Variants in PSME4 observed in about 807,000 individuals in gnomAD.
PSME4 encodes proteasome activator subunit 4, also known as proteasome activator complex subunit 4.
PSME4 carries 89 observed loss-of-function variants against 253.9 expected under a neutral mutation model. The observed-to-expected ratio is 0.35, with a 90% CI of 0.30 to 0.42. The LOEUF is 0.42. Ranked by LOEUF, PSME4 falls within the 10% of genes least tolerant of loss-of-function variation. PSME4 has a pLI of 1.00. For synonymous variants in PSME4, 851 were observed against 759.2 expected, an observed-to-expected ratio of 1.12 and a Z score of -1.99; for missense variants, 2,014 against 2,195.2, an observed-to-expected ratio of 0.92 and a Z score of 1.65.
intron 34 of PSME4, 58 bp downstream of exon 34, chr2:53,894,949 G>A: frequency 6.9e-7 from 1 of 1,445,558 alleles, no homozygotes. Context: ...GTGAGGTTGA[G>A]ATAAATCAGT....
intron 1 of PSME4, among the ~76,000 whole-genome samples, chr2:53,952,966 G>A (rs1373758383): frequency 6.6e-6 from 1 of 152,186 alleles, no homozygotes; most frequent in Non-Finnish European, 1.5e-5. Context: ...ACAGACAACT[G>A]TATATTTAAC....
chr2:53,958,534 G>C (rs75763772), intron 1 of PSME4, among the ~76,000 whole-genome samples: 2 of 151,996 alleles, frequency 1.3e-5, no homozygotes, highest in African/African-American at 4.8e-5. Flanking sequence ...AAACACACAC[G>C]AGTCTTAATT....
chr2:53,866,004 T>A, intron 46 of PSME4, 81 bp downstream of exon 46: 1 of 1,362,338 alleles, frequency 7.3e-7, no homozygotes, highest in South Asian at 1.5e-5. Flanking sequence ...CATCTAAGAA[T>A]GTCAGCAAAA....
chr2:53,877,428 A>G (rs1488345052), intron 41 of PSME4, among the ~76,000 whole-genome samples: 1 of 152,002 alleles, frequency 6.6e-6, no homozygotes, highest in African/African-American at 2.4e-5. Context: ...AAAAAAATAA[A>G]GTTTGCTAAG....
At chr2:53,954,086 T>G (rs1038932825) in intron 1 of PSME4, among the ~76,000 whole-genome samples, 2 of 151,782 alleles carry the variant, frequency 1.3e-5, no homozygotes, top group African/African-American at 4.8e-5. Context: ...TCCCAGCACT[T>G]GGGGAGGCCG....
chr2:53,872,741 C>CAA (rs61308177), intron 43 of PSME4, among the ~76,000 whole-genome samples: 638 of 47,956 alleles, frequency 0.013, 39 homozygotes, highest in African/African-American at 0.044. Context: ...GACTTGGTCT[C>CAA]AAAAAAAAAA....
At chr2:53,895,559 T>C in intron 33 of PSME4, 24 bp downstream of exon 33, 1 of 1,583,780 alleles carries the variant, frequency 6.3e-7, no homozygotes. Context: ...CATTTAATGA[T>C]AAGGTGCACA....
In PSME4 at chr2:53,970,650, G is replaced by A. The variant is rs1671027935; in HGVS notation, c.135C>T (p.Asp45=). Residue 45 remains aspartate, a synonymous_variant, in exon 1 of 47, where the codon GAC becomes GAT. Coordinates refer to ENST00000404125, the MANE Select transcript of PSME4 (RefSeq NM_014614.3). ...GGGCCAGCTGCAAGTCGGACTCGGC[G>A]TCTAGCCGCTCCGCGTAGGGCAGCA... ...NKLLPYAERL[D]AESDLQLAQI... 3.2e-6 allele frequency: 5 copies of A among 1,550,156 alleles called. No homozygotes were observed. The highest frequency in any genetic ancestry group is 1.7e-4 in the Middle Eastern group (1 of 5,804).
intron 3 of PSME4, among the ~76,000 whole-genome samples, chr2:53,944,200 C>T (rs371772797): frequency 3.7e-4 from 56 of 152,096 alleles, no homozygotes; most frequent in African/African-American, 1.3e-3. Context: ...GCTCTGTAGC[C>T]CAGGCTGGAG....
At chr2:53,939,153 C>T (rs553262034) in intron 4 of PSME4, among the ~76,000 whole-genome samples, 4 of 152,080 alleles carry the variant, frequency 2.6e-5, no homozygotes, top group Non-Finnish European at 4.4e-5. Context: ...TCTCATATTC[C>T]GAAAATACAT....
At chr2:53,876,636 T>C (rs1282468801) in intron 41 of PSME4, among the ~76,000 whole-genome samples, 2 of 151,342 alleles carry the variant, frequency 1.3e-5, no homozygotes, top group East Asian at 1.9e-4. Flanking sequence ...TTCCCTTCTG[T>C]CCTCCAAAAG....
intron 10 of PSME4, among the ~76,000 whole-genome samples, chr2:53,929,464 T>C (rs1668722008): frequency 6.6e-6 from 1 of 152,110 alleles, no homozygotes; most frequent in African/African-American, 2.4e-5. Context: ...GGCTAACTTT[T>C]GTATTTTTTT....
chr2:53,896,794 T>G lies in PSME4; in HGVS notation c.3688+10A>C. On this transcript the variant is annotated intron_variant, in intron 32 of 46. Transcript: ENST00000404125. ...GGAAAGCACTATTAATTACTTCTGG[T>G]AGTACTCACTGATTTCACAGGGGTT... 2 of 1,582,258 alleles carry G rather than the reference T, an allele frequency of 1.3e-6. No individual in the cohort carries two copies.
intron 20 of PSME4, among the ~76,000 whole-genome samples, chr2:53,917,905 G>C (rs1182038033): frequency 6.6e-6 from 1 of 152,098 alleles, no homozygotes; most frequent in Non-Finnish European, 1.5e-5. Flanking sequence ...AAAAACAAAA[G>C]TTCTTTAAAA....
chr2:53,952,217 C>T (rs777558841), intron 1 of PSME4, among the ~76,000 whole-genome samples: 2 of 151,984 alleles, frequency 1.3e-5, no homozygotes, highest in Non-Finnish European at 2.9e-5. Flanking sequence ...GGGCAGATCA[C>T]GTGAGATTAG....
intron 44 of PSME4, among the ~76,000 whole-genome samples, chr2:53,868,143 G>T (rs1194238997): frequency 6.6e-6 from 1 of 151,816 alleles, no homozygotes. Context: ...AAAATACTTT[G>T]GTGCTTTATC....
At chr2:53,954,058 G>A (rs1297977117) in intron 1 of PSME4, among the ~76,000 whole-genome samples, 9 of 152,168 alleles carry the variant, frequency 5.9e-5, no homozygotes, top group African/African-American at 1.9e-4. Context: ...GGCCGGGCGC[G>A]GTGGCTCACG....
chr2:53,894,088 T>C (rs1179629101), intron 34 of PSME4, among the ~76,000 whole-genome samples: 2 of 152,150 alleles, frequency 1.3e-5, no homozygotes, highest in Non-Finnish European at 2.9e-5. Flanking sequence ...TGAAAGCCAC[T>C]GTAACACCTG....
At chr2:53,882,172 A>G (rs1049303125) in intron 41 of PSME4, among the ~76,000 whole-genome samples, 1 of 152,188 alleles carries the variant, frequency 6.6e-6, no homozygotes, top group Non-Finnish European at 1.5e-5. Flanking sequence ...AAGTAGATCC[A>G]GCATTTTCAC....
Sources: allele counts gnomAD v4.1 joint callset (sites outside exome capture counted in the v4.1 genomes callset), GRCh38; gene constraint gnomAD v4.1.1; transcripts MANE v1.5; gene names NCBI Gene and HGNC (gene_info 2026-07-23, HGNC 2026-07-21).